The following THSD7B variants were observed in gnomAD, a reference collection of about 807,000 sequenced individuals.
THSD7B encodes thrombospondin type-1 domain-containing protein 7B.
THSD7B carries 138 observed loss-of-function variants against 213.6 expected under a neutral mutation model. The ratio of observed to expected loss-of-function variants is 0.65; its 90% CI spans 0.56 to 0.74. The LOEUF is 0.74. Among genes scored for constraint, THSD7B ranks in the 30% least tolerant of loss-of-function variants. The pLI, the probability that THSD7B is intolerant of heterozygous loss-of-function variation, is 0.00. For synonymous variants in THSD7B, 742 were observed against 687.0 expected, an observed-to-expected ratio of 1.08 and a Z score of -1.25; for missense variants, 1,931 against 1,991.5, an observed-to-expected ratio of 0.97 and a Z score of 0.58.
chr2:137,418,122 T>A (rs1190413894), intron 14 of THSD7B, among the ~76,000 whole-genome samples: 3 of 152,256 alleles, frequency 2.0e-5, no homozygotes, highest in Admixed American at 2.0e-4. Flanking sequence ...ACCATAGATA[T>A]AAACTTCATA....
At position 137,231,214 on chromosome 2, in the gene THSD7B, A is replaced by G; in HGVS notation, c.1894A>G (p.Ile632Val). Residue 632 changes from isoleucine to valine, a missense_variant, in exon 8 of 28, where the codon ATC becomes GTC. Ile to Val is a conservative substitution (Grantham distance 29). Transcript: ENST00000409968. ...SDGKQTRSRTILALAGEGGKP... is the reference protein window; with the variant it reads ...SDGKQTRSRTVLALAGEGGKP... ...TGGGAAACAGACCAGGTCAAGAACT[A>G]TCCTGGCACTGGCTGGGGAAGGTGA... The G allele has an allele frequency of 6.2e-7, 1 of 1,611,472 alleles. No homozygotes were observed. The highest frequency in any genetic ancestry group is 8.5e-7 in the Non-Finnish European group (1 of 1,178,594).
chr2:137,394,082 T>A (rs1686111655), intron 12 of THSD7B, among the ~76,000 whole-genome samples: 2 of 126,102 alleles, frequency 1.6e-5, no homozygotes, highest in African/African-American at 5.8e-5. Context: ...GATGAGTAGG[T>A]TGTGAAAATT....
chr2:137,413,365 G>A (rs571957349), intron 14 of THSD7B, among the ~76,000 whole-genome samples: 1 of 152,312 alleles, frequency 6.6e-6, no homozygotes, highest in African/African-American at 2.4e-5. Context: ...TGACTTGAGT[G>A]TACAGTTAAG....
At chr2:137,076,062 G>C (rs575955830) in intron 3 of THSD7B, among the ~76,000 whole-genome samples, 3 of 152,136 alleles carry the variant, frequency 2.0e-5, no homozygotes, top group African/African-American at 7.2e-5. Context: ...CAGTCTGCCC[G>C]TTCTCAGATC....
At chr2:137,623,937 C>A (rs1440870839) in intron 20 of THSD7B, among the ~76,000 whole-genome samples, 1 of 152,212 alleles carries the variant, frequency 6.6e-6, no homozygotes, top group Non-Finnish European at 1.5e-5. Context: ...CCATCCCTAT[C>A]AAGCTACCAA....
rs189557942 is a variant in THSD7B at position 137,425,497 on chromosome 2, G to A, written c.2959+13625G>A. 4.6e-4 allele frequency among the ~76,000 whole-genome samples: 70 copies of A among 152,288 alleles called. 1 individual carries two copies. The highest frequency in any genetic ancestry group is 3.7e-3 in the Admixed American group (57 of 15,302). On this transcript the variant is annotated intron_variant, in intron 14 of 27. Transcript: ENST00000409968. ...CTCCCAAAGTGTTGGGATTACAGGC[G>A]TGAGCCCCTGTGCCTGGCCCTAGAG...
intron 2 of THSD7B, among the ~76,000 whole-genome samples, chr2:136,935,969 A>G (rs1174317228): frequency 1.4e-5 from 2 of 147,950 alleles, no homozygotes; most frequent in African/African-American, 4.9e-5. Flanking sequence ...AATATTCTAA[A>G]TATATTATCT....
intron 25 of THSD7B, 147 bp downstream of exon 25, chr2:137,659,893 T>G: frequency 1.6e-6 from 1 of 629,330 alleles, no homozygotes; most frequent in Non-Finnish European, 2.6e-6. Context: ...GTAATCCCAG[T>G]TATAAAGAAT....
In THSD7B at chr2:137,233,224, G is replaced by A. The variant is rs547150735; in HGVS notation, c.2150+91G>A. 492 of 1,236,670 alleles carry A rather than the reference G, an allele frequency of 4.0e-4. 8 individuals are homozygous for A. In the South Asian group the frequency reaches 6.8e-3, roughly 17 times the overall value. 76.6% of individuals were successfully genotyped at this position (1,236,670 alleles called of 1,614,324 possible). A position where few individuals can be genotyped will look rare whatever the true frequency, so the allele number is the denominator to read the frequency against. On this transcript the variant is annotated intron_variant, in intron 9 of 27. Coordinates refer to ENST00000409968, the MANE Select transcript of THSD7B (RefSeq NM_001316349.2). Reference sequence around the variant, plus strand: ...CATTTATCAAGCAATAGATATTTCTGGGTCTCTGATAGAGTAAGAGGGTTT... The same window carrying A: ...CATTTATCAAGCAATAGATATTTCTAGGTCTCTGATAGAGTAAGAGGGTTT...
intron 2 of THSD7B, among the ~76,000 whole-genome samples, chr2:136,903,976 GTT>G (rs771922248): frequency 0.26 from 27,616 of 106,392 alleles, 3,999 homozygotes; most frequent in Non-Finnish European, 0.4. Context: ...GTGTGTGTTT[GTT>G]TGTTTCTGAG....
chr2:136,779,074 C>A (rs1296910743), intron 1 of THSD7B, among the ~76,000 whole-genome samples: 1 of 151,998 alleles, frequency 6.6e-6, no homozygotes, highest in African/African-American at 2.4e-5. Flanking sequence ...TAATATATTA[C>A]AGTTTATATT....
At chr2:136,771,577 C>T (rs1336001182) in intron 1 of THSD7B, among the ~76,000 whole-genome samples, 1 of 152,092 alleles carries the variant, frequency 6.6e-6, no homozygotes, top group Non-Finnish European at 1.5e-5. Context: ...TCCTGTGGTC[C>T]CAGTTATCCA....
At chr2:136,838,454 A>G (rs1332475607) in intron 1 of THSD7B, among the ~76,000 whole-genome samples, 2 of 152,212 alleles carry the variant, frequency 1.3e-5, no homozygotes, top group South Asian at 4.1e-4. Context: ...TGTAGTTTCT[A>G]TAACTGATTT....
chr2:137,115,438 T>A (rs1395607029), intron 5 of THSD7B, 145 bp downstream of exon 5: 2 of 889,852 alleles, frequency 2.2e-6, no homozygotes, highest in Admixed American at 3.6e-5. Flanking sequence ...ATGCCGCCCC[T>A]AAGTTCTTCC....
At chr2:137,286,867 A>T (rs1191533048) in intron 12 of THSD7B, among the ~76,000 whole-genome samples, 2 of 152,178 alleles carry the variant, frequency 1.3e-5, no homozygotes, top group East Asian at 3.8e-4. Flanking sequence ...CCATAAATGT[A>T]ACTGTATTCT....
In THSD7B at chr2:137,397,002, T is replaced by G. The variant is rs181999785; in HGVS notation, c.2501-8611T>G. On this transcript the variant is annotated intron_variant, in intron 12 of 27. Transcript: ENST00000409968. ...GGATTGCAACCCCTGCCTTTTTTTG[T>G]TTTCCATTTTCTTGGTAGTTCTTCC... 1.4e-4 allele frequency among the ~76,000 whole-genome samples: 20 copies of G among 140,500 alleles called. No homozygotes were observed. The East Asian group carries it at 3.8e-3, about 27-fold the overall frequency. 92.2% of individuals were successfully genotyped at this position (140,500 alleles called of 152,430 possible). A position where few individuals can be genotyped will look rare whatever the true frequency, so the allele number is the denominator to read the frequency against.
intron 20 of THSD7B, among the ~76,000 whole-genome samples, chr2:137,635,042 C>T (rs1682807977): frequency 6.6e-6 from 1 of 152,044 alleles, no homozygotes; most frequent in African/African-American, 2.4e-5. Context: ...TAATAATAAG[C>T]TCAATATCAA....
intron 1 of THSD7B, among the ~76,000 whole-genome samples, chr2:136,803,162 C>G (rs550357037): frequency 1.3e-5 from 2 of 152,184 alleles, no homozygotes; most frequent in African/African-American, 4.8e-5. Context: ...CCCACACACA[C>G]ACACATGCAC....
At chr2:136,834,807 C>A (rs917801838) in intron 1 of THSD7B, among the ~76,000 whole-genome samples, 1 of 151,992 alleles carries the variant, frequency 6.6e-6, no homozygotes, top group Non-Finnish European at 1.5e-5. Context: ...GGACAATTGA[C>A]CTCTAGAAAA....
Sources: gnomAD v4.1 joint callset for allele counts (sites outside exome capture counted in the v4.1 genomes callset) on GRCh38, gnomAD v4.1.1 for gene constraint, MANE v1.5 for transcripts, NCBI Gene and HGNC (gene_info 2026-07-23, HGNC 2026-07-21) for gene names.